Variants in NEDD4L observed in about 807,000 individuals in gnomAD.
NEDD4L encodes NEDD4 like E3 ubiquitin protein ligase, also known as E3 ubiquitin-protein ligase NEDD4-like.
In NEDD4L, 54 loss-of-function variants were observed where a neutral mutation model predicts 148.9. That is an observed-to-expected ratio of 0.36 (90% CI 0.29 to 0.45). NEDD4L has a LOEUF of 0.45. Ranked by LOEUF, NEDD4L falls within the 20% of genes least tolerant of loss-of-function variation. The pLI is 1.00. For missense variants in NEDD4L, 856 were observed against 1,233.8 expected (o/e 0.69, Z 4.59); for synonymous variants, 433 against 440.7 (o/e 0.98, Z 0.22).
In NEDD4L at chr18:58,150,725, A is replaced by G. The variant is rs553285846; in HGVS notation, c.49-15063A>G. ...CTTAGGAGGTGCTATGCATTCCATCAGGTGACTGACCCCTTTGTGAGCTGT... is the reference window on the plus strand; with the variant it reads ...CTTAGGAGGTGCTATGCATTCCATCGGGTGACTGACCCCTTTGTGAGCTGT... On this transcript the variant is annotated intron_variant, in intron 1 of 30. Coordinates refer to ENST00000400345, the MANE Select transcript of NEDD4L (RefSeq NM_001144967.3). Among the ~76,000 whole-genome samples, 18 of 152,352 alleles carry G rather than the reference A, an allele frequency of 1.2e-4. No individual in the cohort carries two copies. In the South Asian group the frequency reaches 3.7e-3, roughly 32 times the overall value.
rs2050660035 is a variant in NEDD4L, at chr18:58,398,889, G to A, written c.*2620G>A. Reference sequence around the variant, plus strand: ...TGGGCCCCGACCTGCCCGGGGAGTAGCCCTGGGGGAGAGAGGGCAGTGTTG... The same window carrying A: ...TGGGCCCCGACCTGCCCGGGGAGTAACCCTGGGGGAGAGAGGGCAGTGTTG... On this transcript the variant is annotated 3_prime_UTR_variant, in exon 31 of 31. Coordinates refer to ENST00000400345, the MANE Select transcript of NEDD4L (RefSeq NM_001144967.3). The A allele has an allele frequency of 6.6e-6, 1 of 152,264 alleles. No homozygotes were observed. Among genetic ancestry groups the A allele is most frequent in the African/African-American group, 2.4e-5 (1 of 41,456 alleles). 9.4% of individuals were successfully genotyped at this position (152,264 alleles called of 1,614,324 possible).
chr18:58,046,257 TCTC>T (rs2081578759), intron 1 of NEDD4L: 1 of 152,122 alleles, frequency 6.6e-6, no homozygotes, highest in Admixed American at 6.6e-5. Context: ...CCGGGGGGCT[TCTC>T]CTCTCCCTCC....
intron 5 of NEDD4L, among the ~76,000 whole-genome samples, chr18:58,295,743 T>C (rs984974581): frequency 1.5e-4 from 23 of 152,258 alleles, no homozygotes; most frequent in African/African-American, 5.5e-4. Flanking sequence ...GAGCAGATTC[T>C]GTATAAGCAG....
chr18:58,047,345 T>C, intron 1 of NEDD4L: 1 of 985,016 alleles, frequency 1.0e-6, no homozygotes, highest in Non-Finnish European at 1.2e-6. Context: ...AAAAGCATGG[T>C]ATGTTTGGAG....
chr18:58,081,427 G>T (rs998456059), intron 1 of NEDD4L, among the ~76,000 whole-genome samples: 3 of 151,926 alleles, frequency 2.0e-5, no homozygotes, highest in Non-Finnish European at 4.4e-5. Flanking sequence ...GTGTTAGCCA[G>T]GAAGGTCTCG....
chr18:58,080,656 A>G (rs1008617310), intron 1 of NEDD4L, among the ~76,000 whole-genome samples: 1 of 152,158 alleles, frequency 6.6e-6, no homozygotes, highest in Admixed American at 6.5e-5. Flanking sequence ...TCAGGCGGGG[A>G]TGTGTAGCTT....
At chr18:58,056,161 C>T (rs745854283) in intron 1 of NEDD4L, among the ~76,000 whole-genome samples, 20 of 152,294 alleles carry the variant, frequency 1.3e-4, no homozygotes, top group South Asian at 4.1e-4. Context: ...TCCTTGTCCC[C>T]CTTCCCCCAG....
chr18:58,221,248 C>T (rs528201864), intron 2 of NEDD4L, among the ~76,000 whole-genome samples: 1 of 152,278 alleles, frequency 6.6e-6, no homozygotes, highest in South Asian at 2.1e-4. Flanking sequence ...ATGCCAAAAT[C>T]TCTGATCTGG....
At chr18:58,349,492 G>T (rs1348892896) in intron 16 of NEDD4L, 45 bp from the exon 17 acceptor site, 1 of 1,524,306 alleles carries the variant, frequency 6.6e-7, no homozygotes, top group African/African-American at 1.4e-5. Context: ...ACTGCACACA[G>T]ATACTTCCAC....
intron 11 of NEDD4L, among the ~76,000 whole-genome samples, chr18:58,333,205 G>A (rs137918364): frequency 2.0e-5 from 3 of 151,832 alleles, no homozygotes; most frequent in South Asian, 2.1e-4. Context: ...TGGAACCTGG[G>A]AGGCAGAGGT....
intron 2 of NEDD4L, among the ~76,000 whole-genome samples, chr18:58,169,504 A>C (rs1316455549): frequency 3.3e-5 from 5 of 151,864 alleles, no homozygotes; most frequent in African/African-American, 1.2e-4. Context: ...TATCCATATC[A>C]TGGGGAAAAA....
intron 23 of NEDD4L, chr18:58,371,573 G>A (rs898360079): frequency 6.6e-6 from 1 of 152,452 alleles, no homozygotes; most frequent in East Asian, 1.9e-4. Flanking sequence ...CCTGCATGAT[G>A]TCACCTGCCT....
chr18:58,322,449 C>T lies in NEDD4L; in HGVS notation c.373C>T (p.Pro125Ser). ...GACAGAAGATCCAACCATGGAGCGA[C>T]CCTATACATTTAAGGACTTTCTCCT... ...LPTEDPTMERPYTFKDFLLRP... is the reference protein window; with the variant it reads ...LPTEDPTMERSYTFKDFLLRP... The change falls in exon 7 of 31, where the codon CCC becomes TCC. Residue 125 changes from proline (P) to serine (S), a missense_variant. By Grantham distance (74) the Pro-to-Ser change is moderately conservative. This residue lies in a region of NEDD4L where 193 missense variants were observed against 244.2 expected (regional missense o/e 0.79). Transcript: ENST00000400345. The T allele has an allele frequency of 6.2e-7, 1 of 1,610,778 alleles. No individual in the cohort carries two copies. Among genetic ancestry groups the T allele is most frequent in the South Asian group, 1.1e-5 (1 of 90,800 alleles).
At chr18:58,162,240 C>A (rs1368271638) in intron 1 of NEDD4L, among the ~76,000 whole-genome samples, 1 of 152,088 alleles carries the variant, frequency 6.6e-6, no homozygotes, top group Admixed American at 6.6e-5. Flanking sequence ...CAGTGCTTCT[C>A]CCCCAGTGGT....
At chr18:58,337,981 A>G (rs943447522) in intron 13 of NEDD4L, among the ~76,000 whole-genome samples, 1 of 152,214 alleles carries the variant, frequency 6.6e-6, no homozygotes, top group African/African-American at 2.4e-5. Context: ...TTTGTTGTAT[A>G]TATTCTAAAA....
chr18:58,112,523 C>G (rs946640049), intron 1 of NEDD4L, among the ~76,000 whole-genome samples: 1 of 152,090 alleles, frequency 6.6e-6, no homozygotes, highest in Non-Finnish European at 1.5e-5. Flanking sequence ...GAGTCTCACT[C>G]TGATGCCTAG....
intron 1 of NEDD4L, chr18:58,054,855 T>C (rs980040034): frequency 6.6e-6 from 1 of 152,230 alleles, no homozygotes; most frequent in Non-Finnish European, 1.5e-5. Context: ...AGAGTATGCT[T>C]ATGCTGATTC....
At chr18:58,254,409 C>T (rs1178715300) in intron 5 of NEDD4L, among the ~76,000 whole-genome samples, 2 of 151,576 alleles carry the variant, frequency 1.3e-5, no homozygotes, top group Non-Finnish European at 2.9e-5. Context: ...TGCACTTTTC[C>T]TTTTATTTCT....
intron 5 of NEDD4L, among the ~76,000 whole-genome samples, chr18:58,276,575 A>AT (rs571698922): frequency 1.3e-5 from 2 of 151,936 alleles, no homozygotes; most frequent in African/African-American, 4.8e-5. Flanking sequence ...CTGTTTCCCT[A>AT]TTTGTAAAAT....
Sources: allele counts gnomAD v4.1 joint callset (sites outside exome capture counted in the v4.1 genomes callset), GRCh38; gene constraint gnomAD v4.1.1; regional missense constraint gnomAD v4.1.1; transcripts MANE v1.5; gene names NCBI Gene and HGNC (gene_info 2026-07-23, HGNC 2026-07-21).